COL6A5: variants seen among roughly 807,000 people sequenced by gnomAD.
The protein encoded by COL6A5 is collagen type VI alpha 5 chain.
Under a neutral mutation model 65.6 loss-of-function variants are expected in COL6A5, and 48 were observed. That is an observed-to-expected ratio of 0.73 (90% CI 0.58 to 0.93). The LOEUF (loss-of-function observed/expected upper bound fraction) is 0.93, where lower values mean the gene tolerates loss of function less well. Ranked by LOEUF, COL6A5 falls within the 40% of genes least tolerant of loss-of-function variation. The pLI is 0.00. For missense variants in COL6A5, 914 were observed against 928.3 expected (o/e 0.98, Z 0.20); for synonymous variants, 291 against 322.8 (o/e 0.90, Z 1.05).
chr3:130,469,783 G>A (rs564309431), intron 6 of COL6A5, among the ~76,000 whole-genome samples: 217 of 151,988 alleles, frequency 1.4e-3, no homozygotes, highest in Non-Finnish European at 2.8e-3. Context: ...TTAATCTTCA[G>A]TGCAGTCCTC....
At chr3:130,439,997 A>C (rs1307333774) in intron 2 of COL6A5, among the ~76,000 whole-genome samples, 169 bp from the exon 35 acceptor site, 2 of 152,164 alleles carry the variant, frequency 1.3e-5, no homozygotes, top group Non-Finnish European at 2.9e-5. Flanking sequence ...TGCCCGGAGA[A>C]GTACCGGGAC....
chr3:130,420,785 G>A (rs1014819272), intron 25 of COL6A5, among the ~76,000 whole-genome samples: 15 of 151,956 alleles, frequency 9.9e-5, no homozygotes, highest in Non-Finnish European at 1.6e-4. Context: ...CAGGGAGGAC[G>A]AACATTTTTT....
chr3:130,401,316 A>T, intron 11 of COL6A5, 143 bp downstream of exon 11: 1 of 699,524 alleles, frequency 1.4e-6, no homozygotes, highest in Non-Finnish European at 2.3e-6. Flanking sequence ...AGTGTGGAAG[A>T]CCATAGCATA....
chr3:130,421,040 C>T (rs12636289), intron 25 of COL6A5, 113 bp from the exon 26 acceptor site: 142,147 of 902,974 alleles, frequency 0.16, 12,120 homozygotes, highest in East Asian at 0.25. Flanking sequence ...CAATTAGGCC[C>T]CTTCTGCATG....
At chr3:130,355,051 C>CTT (rs146952892) in intron 1 of COL6A5, among the ~76,000 whole-genome samples, 9 of 151,548 alleles carry the variant, frequency 5.9e-5, no homozygotes, top group Middle Eastern at 3.4e-3. Flanking sequence ...TTAATTTCAC[C>CTT]TTTTTTTTAC....
intron 4 of COL6A5, among the ~76,000 whole-genome samples, chr3:130,445,652 G>A (rs753686903): frequency 9.9e-5 from 15 of 152,096 alleles, no homozygotes; most frequent in Non-Finnish European, 7.4e-5. Flanking sequence ...AGAATGGGGA[G>A]TATCATATGA....
chr3:130,464,059 G>A (rs1281330092), intron 5 of COL6A5, among the ~76,000 whole-genome samples: 2 of 152,026 alleles, frequency 1.3e-5, no homozygotes, highest in Admixed American at 6.6e-5. Context: ...ATATGGGCTT[G>A]CAGAAAACAA....
chr3:130,358,046 G>T (rs892631425), intron 1 of COL6A5, among the ~76,000 whole-genome samples: 19 of 151,908 alleles, frequency 1.3e-4, no homozygotes, highest in Non-Finnish European at 2.5e-4. Flanking sequence ...AAAATTAGCC[G>T]GGCGTGGTGG....
intron 4 of COL6A5, among the ~76,000 whole-genome samples, chr3:130,448,608 C>A (rs146735642): frequency 6.6e-6 from 1 of 152,056 alleles, no homozygotes; most frequent in Admixed American, 6.6e-5. Flanking sequence ...TGTAACACAG[C>A]GGCTCAAAAT....
At chr3:130,400,780 C>T (rs1936787538) in intron 10 of COL6A5, among the ~76,000 whole-genome samples, 1 of 152,170 alleles carries the variant, frequency 6.6e-6, no homozygotes, top group Non-Finnish European at 1.5e-5. Context: ...ATTTGTAAAT[C>T]GTTTCTCTTG....
In COL6A5 at chr3:130,421,277, G is replaced by T. The variant is rs374102663; in HGVS notation, c.5002-48G>T. ...TAATACAAGAAGAAATGTTCATACT[G>T]CAGAAGTGATATGTTGATGTATTTA... On this transcript the variant is annotated intron_variant and NMD_transcript_variant, in intron 26 of 41. Transcript: ENST00000312481. The T allele has an allele frequency of 4.5e-6, 7 of 1,547,246 alleles. No homozygotes were observed. In the East Asian group the frequency reaches 1.5e-4, roughly 32 times the overall value.
At chr3:130,432,100 T>G (rs527549558) in intron 1 of COL6A5, among the ~76,000 whole-genome samples, 151 bp downstream of exon 33, 1 of 152,298 alleles carries the variant, frequency 6.6e-6, no homozygotes, top group South Asian at 2.1e-4. Context: ...TCAATGTCTG[T>G]GAAATCCAAT....
At chr3:130,347,032 A>G (rs868130829) in intron 1 of COL6A5, among the ~76,000 whole-genome samples, 5 of 152,348 alleles carry the variant, frequency 3.3e-5, no homozygotes, top group Middle Eastern at 6.8e-3. Context: ...CAGGCTCTTC[A>G]TCACTGCTGA....
At position 130,431,969 on chromosome 3, in the gene COL6A5, A is replaced by C; in HGVS notation, c.487+20A>C. 6.5e-7 allele frequency: 1 copy of C among 1,545,056 alleles called. No homozygotes were observed. The highest frequency in any genetic ancestry group is 8.8e-7 in the Non-Finnish European group (1 of 1,142,770). ...TTTGGGGTAAGAATTTCTCTTGGCA[A>C]CTTCTTTAATTTTAAGATAGAGGTA... On this transcript the variant is annotated intron_variant, in intron 1 of 7. Coordinates refer to ENST00000512836, the Ensembl canonical transcript of COL6A5.
At chr3:130,368,393 A>T (rs1210331755) in intron 1 of COL6A5, among the ~76,000 whole-genome samples, 1 of 152,196 alleles carries the variant, frequency 6.6e-6, no homozygotes, top group Non-Finnish European at 1.5e-5. Context: ...TAATTAACTC[A>T]ATCCAGCAAA....
chr3:130,406,916 T>C (rs1937013329), intron 17 of COL6A5, among the ~76,000 whole-genome samples: 1 of 152,184 alleles, frequency 6.6e-6, no homozygotes, highest in Non-Finnish European at 1.5e-5. Flanking sequence ...TATTCTTATA[T>C]AATAAGAATC....
chr3:130,394,970 A>C (rs1026508173), exon 8 of COL6A5: 4 of 1,551,636 alleles, frequency 2.6e-6, no homozygotes, highest in Admixed American at 2.0e-5. Flanking sequence ...TGTAACCATG[A>C]CAACTTTCTT....
At chr3:130,411,996 A>C (rs1187200149) in intron 20 of COL6A5, among the ~76,000 whole-genome samples, 1 of 152,150 alleles carries the variant, frequency 6.6e-6, no homozygotes, top group Non-Finnish European at 1.5e-5. Context: ...GTGGATGATA[A>C]ATTTTAAACA....
At chr3:130,422,777 C>A in exon 28 of COL6A5, 1 of 1,501,356 alleles carries the variant, frequency 6.7e-7, no homozygotes, top group Non-Finnish European at 8.9e-7. Flanking sequence ...ATTTAGGGGA[C>A]TAGCAGTAAG....
Sources: gnomAD v4.1 joint callset for allele counts (sites outside exome capture counted in the v4.1 genomes callset) on GRCh38, gnomAD v4.1.1 for gene constraint, MANE v1.5 for transcripts, NCBI Gene and HGNC (gene_info 2026-07-23, HGNC 2026-07-21) for gene names.